The following HS1BP3 variants were observed in gnomAD, a reference collection of about 807,000 sequenced individuals.
The protein encoded by HS1BP3 is HCLS1 binding protein 3.
Under a neutral mutation model 33.5 loss-of-function variants are expected in HS1BP3, and 32 were observed. That is an observed-to-expected ratio of 0.95 (90% CI 0.72 to 1.28). The LOEUF is 1.28. HS1BP3 is among the 50% of genes most tolerant of loss of function. The probability of loss-of-function intolerance (pLI) is 0.00; values close to 1 mark genes in which losing one functional copy is unlikely to be tolerated. For missense variants in HS1BP3, 486 were observed against 502.3 expected (o/e 0.97, Z 0.31); for synonymous variants, 187 against 209.2 (o/e 0.89, Z 0.92).
At chr2:20,576,378 G>A (rs1693400431) in intron 5 of HS1BP3, among the ~76,000 whole-genome samples, 1 of 152,178 alleles carries the variant, frequency 6.6e-6, no homozygotes, top group African/African-American at 2.4e-5. Flanking sequence ...AGAACCAGCT[G>A]GAACCTCACC....
chr2:20,595,097 G>C (rs896937131), intron 3 of HS1BP3, among the ~76,000 whole-genome samples: 6 of 152,180 alleles, frequency 3.9e-5, no homozygotes, highest in African/African-American at 9.7e-5. Flanking sequence ...TGCACAGCTG[G>C]AGCAGGGAGT....
downstream of HS1BP3, among the ~76,000 whole-genome samples, chr2:20,589,852 T>A (rs1171175879): frequency 6.6e-6 from 1 of 151,800 alleles, no homozygotes; most frequent in African/African-American, 2.4e-5. Flanking sequence ...TGTGGGGGAA[T>A]TGGGGTGGGG....
chr2:20,583,323 G>A, intron 5 of HS1BP3, among the ~76,000 whole-genome samples: 1 of 151,874 alleles, frequency 6.6e-6, no homozygotes, highest in Non-Finnish European at 1.5e-5. Context: ...TATCAGGAAG[G>A]CTGGAGAGCC....
At chr2:20,632,057 C>G (rs1180257961) in intron 4 of HS1BP3, among the ~76,000 whole-genome samples, 1 of 152,204 alleles carries the variant, frequency 6.6e-6, no homozygotes, top group East Asian at 1.9e-4. Flanking sequence ...CAGAGAAAGC[C>G]AAACATGCCC....
chr2:20,559,031 C>A (rs1280413113), downstream of HS1BP3, among the ~76,000 whole-genome samples: 1 of 152,196 alleles, frequency 6.6e-6, no homozygotes, highest in Admixed American at 6.5e-5. Flanking sequence ...CCAGGACTCA[C>A]ATCGTGAGGA....
chr2:20,594,861 G>C (rs1693908203), intron 3 of HS1BP3, among the ~76,000 whole-genome samples: 1 of 152,114 alleles, frequency 6.6e-6, no homozygotes, highest in African/African-American at 2.4e-5. Flanking sequence ...AAGGGGCAAG[G>C]GGGTTTTCCT....
intron 6 of HS1BP3, among the ~76,000 whole-genome samples, chr2:20,620,536 T>A (rs1381994682): frequency 6.6e-6 from 1 of 152,132 alleles, no homozygotes; most frequent in South Asian, 2.1e-4. Context: ...CAAGCAGGAG[T>A]AACAGTGTCA....
At chr2:20,584,729 C>T (rs1693638489) in intron 5 of HS1BP3, among the ~76,000 whole-genome samples, 1 of 152,156 alleles carries the variant, frequency 6.6e-6, no homozygotes, top group Admixed American at 6.5e-5. Flanking sequence ...ATTCCTGGGT[C>T]CTGCTCAGGC....
intron 2 of HS1BP3, among the ~76,000 whole-genome samples, chr2:20,606,912 T>C (rs1042415677): frequency 9.2e-5 from 14 of 152,192 alleles, no homozygotes; most frequent in Non-Finnish European, 1.5e-4. Flanking sequence ...TGTCTTTCAC[T>C]CTCTTGATGT....
chr2:20,619,225 T>A lies in HS1BP3; in HGVS notation c.941A>T (p.Gln314Leu). ...GGGCTCAGCTCCCAGGTTCAGAATC[T>A]GGTCCAAGTCCTCTTCAACTCTAGG... is the stretch of plus-strand genomic sequence containing the variant. ...ELFRVEEDLDQILNLGAEPKP... is the reference protein window; with the variant it reads ...ELFRVEEDLDLILNLGAEPKP... Residue 314 changes from glutamine (Q) to leucine (L), a missense_variant, in exon 7 of 7, where the codon CAG (glutamine) becomes CTG (leucine). By Grantham distance (113) the Gln-to-Leu change is moderately radical. Transcript: ENST00000304031. 6.2e-7 allele frequency: 1 copy of A among 1,610,038 alleles called. No individual in the cohort carries two copies. Among genetic ancestry groups the A allele is most frequent in the Middle Eastern group, 1.7e-4 (1 of 6,042 alleles).
At chr2:20,619,397 C>A in intron 6 of HS1BP3, 152 bp from the exon 7 acceptor site, 1 of 663,708 alleles carries the variant, frequency 1.5e-6, no homozygotes, top group East Asian at 2.7e-5. Context: ...CTGCCCCATT[C>A]CACTCTGGCC....
At chr2:20,561,927 G>A (rs536875804) in intron 5 of HS1BP3, among the ~76,000 whole-genome samples, 2 of 152,288 alleles carry the variant, frequency 1.3e-5, no homozygotes, top group East Asian at 3.9e-4. Flanking sequence ...CCAACCTCCT[G>A]GGGTGGAAGA....
intron 6 of HS1BP3, among the ~76,000 whole-genome samples, chr2:20,620,417 C>A (rs142653974): frequency 4.9e-4 from 75 of 152,322 alleles, no homozygotes; most frequent in Admixed American, 1.5e-3. Flanking sequence ...TTCCCTTGTG[C>A]TAACGGGCAT....
chr2:20,623,100 T>G (rs1694657657), intron 6 of HS1BP3: 1 of 152,058 alleles, frequency 6.6e-6, no homozygotes, highest in African/African-American at 2.4e-5. Flanking sequence ...ACACTGAGTC[T>G]GCTGAGAATG....
chr2:20,582,910 C>T (rs1176437915), intron 5 of HS1BP3, among the ~76,000 whole-genome samples: 2 of 152,160 alleles, frequency 1.3e-5, no homozygotes, highest in African/African-American at 4.8e-5. Context: ...TGCCTACAAG[C>T]CTGCCTGCTC....
At chr2:20,598,539 CTTTTTTTTTTTTTTTTTTTTTTTT>C (rs67769731) in intron 2 of HS1BP3, among the ~76,000 whole-genome samples, 2 of 63,872 alleles carry the variant, frequency 3.1e-5, no homozygotes, top group South Asian at 8.6e-4. Context: ...ACCGGTACTT[CTTTTTTTTTTTTTTTTTTTTTTTT>C]TTTTTTTTTT....
At chr2:20,622,173 C>CATGA (rs1472522129) in intron 6 of HS1BP3, 4 of 1,285,938 alleles carry the variant, frequency 3.1e-6, no homozygotes, top group African/African-American at 3.1e-5. Flanking sequence ...GGGGTGAAAG[C>CATGA]ATGAATGAAT....
At chr2:20,591,793 G>A (rs1693822101), downstream of HS1BP3, among the ~76,000 whole-genome samples, 1 of 152,104 alleles carries the variant, frequency 6.6e-6, no homozygotes, top group Admixed American at 6.5e-5. Context: ...TGAATTCCTG[G>A]CCTCAAGCAA....
chr2:20,560,181 G>A (rs1396022261), downstream of HS1BP3, among the ~76,000 whole-genome samples: 1 of 152,206 alleles, frequency 6.6e-6, no homozygotes, highest in East Asian at 1.9e-4. Flanking sequence ...CTAAGCACAG[G>A]CTAGCAAAAG....
Sources: allele counts gnomAD v4.1 joint callset (sites outside exome capture counted in the v4.1 genomes callset), GRCh38; gene constraint gnomAD v4.1.1; transcripts MANE v1.5; gene names NCBI Gene and HGNC (gene_info 2026-07-23, HGNC 2026-07-21).